ACSM5: variants seen among roughly 807,000 people sequenced by gnomAD.
The protein encoded by ACSM5 is acyl-coenzyme A synthetase ACSM5, mitochondrial.
ACSM5 carries 56 observed loss-of-function variants against 71.6 expected under a neutral mutation model. The observed-to-expected ratio is 0.78, with a 90% confidence interval of 0.63 to 0.98. ACSM5 has a LOEUF of 0.98. Among genes scored for constraint, ACSM5 ranks in the 50% least tolerant of loss-of-function variants. The pLI is 0.00. For missense variants in ACSM5, 723 were observed against 726.0 expected, an observed-to-expected ratio of 1.00 and a Z score of 0.05; for synonymous variants, 285 against 281.5, an observed-to-expected ratio of 1.01 and a Z score of -0.12.
intron 2 of ACSM5, among the ~76,000 whole-genome samples, chr16:20,415,934 C>T (rs755501324): frequency 7.2e-5 from 11 of 151,900 alleles, no homozygotes; most frequent in Non-Finnish European, 1.6e-4. Flanking sequence ...ACTCAATACT[C>T]GAGTAAGGAG....
intron 2 of ACSM5, among the ~76,000 whole-genome samples, chr16:20,414,803 ATAT>A (rs1966853499): frequency 6.6e-6 from 1 of 152,224 alleles, no homozygotes; most frequent in Non-Finnish European, 1.5e-5. Context: ...AGAAATGCAG[ATAT>A]TAATGATTTT....
intron 6 of ACSM5, among the ~76,000 whole-genome samples, chr16:20,425,196 A>T (rs1966954282): frequency 6.6e-6 from 1 of 152,144 alleles, no homozygotes; most frequent in Non-Finnish European, 1.5e-5. Context: ...TATTTCCATG[A>T]GTTCAATTGT....
At chr16:20,423,747 T>C (rs1156936319) in intron 5 of ACSM5, among the ~76,000 whole-genome samples, 169 bp from the exon 6 acceptor site, 1 of 152,246 alleles carries the variant, frequency 6.6e-6, no homozygotes, top group Non-Finnish European at 1.5e-5. Flanking sequence ...CATAGGTACA[T>C]GGAAGATGCT....
chr16:20,424,704 G>C (rs11643938), intron 6 of ACSM5, among the ~76,000 whole-genome samples: 8,974 of 152,316 alleles, frequency 0.059, 528 homozygotes, highest in African/African-American at 0.15. Flanking sequence ...TTCGCTAGCT[G>C]TGTGGCCTTG....
At chr16:20,416,251 A>G (rs1966856147) in intron 2 of ACSM5, among the ~76,000 whole-genome samples, 1 of 151,912 alleles carries the variant, frequency 6.6e-6, no homozygotes, top group East Asian at 1.9e-4. Flanking sequence ...CTCGTATGGA[A>G]ATGCAAGGGA....
intron 10 of ACSM5, among the ~76,000 whole-genome samples, chr16:20,434,946 G>A (rs1417381117): frequency 6.6e-6 from 1 of 152,094 alleles, no homozygotes; most frequent in African/African-American, 2.4e-5. Context: ...CAAGTTCCTT[G>A]GAAAATGTTT....
chr16:20,434,001 G>C (rs12600233), intron 10 of ACSM5, among the ~76,000 whole-genome samples: 13,106 of 152,118 alleles, frequency 0.086, 688 homozygotes, highest in East Asian at 0.19. Context: ...ATATATTCTT[G>C]ATATCGGTCC....
intron 12 of ACSM5, among the ~76,000 whole-genome samples, chr16:20,438,556 T>C (rs1301482882): frequency 6.6e-6 from 1 of 151,828 alleles, no homozygotes; most frequent in Admixed American, 6.6e-5. Context: ...CTCAAACGTA[T>C]GCCTAGTTCT....
At chr16:20,414,085 A>T (rs1478585740) in intron 2 of ACSM5, among the ~76,000 whole-genome samples, 1 of 152,204 alleles carries the variant, frequency 6.6e-6, no homozygotes, top group Admixed American at 6.5e-5. Context: ...GAGTAATCAC[A>T]TGATGTAATT....
intron 4 of ACSM5, among the ~76,000 whole-genome samples, chr16:20,420,555 C>A (rs111712773): frequency 0.044 from 6,771 of 152,186 alleles, 163 homozygotes; most frequent in South Asian, 0.061. Context: ...AGCCAAGATC[C>A]CGCCATTGCA....
At chr16:20,429,380 GT>G (rs1320243307) in intron 7 of ACSM5, among the ~76,000 whole-genome samples, 1 of 126,512 alleles carries the variant, frequency 7.9e-6, no homozygotes, top group Admixed American at 7.6e-5. Flanking sequence ...TTTATTATCA[GT>G]TTTTTTCCAA....
In ACSM5 at chr16:20,441,298, T is replaced by C. The variant is rs530890112; in HGVS notation, c.*871T>C. On this transcript the variant is annotated 3_prime_UTR_variant, in exon 14 of 14. Transcript: ENST00000331849. ...TTTCCAAGTTTTTGTACGAAGCACA[T>C]ACAACTATTTTAATGAAAAAGTTAT... is the stretch of plus-strand genomic sequence containing the variant. 4 of 152,346 alleles carry C rather than the reference T, an allele frequency of 2.6e-5. No individual in the cohort carries two copies. Among genetic ancestry groups the C allele is most frequent in the Non-Finnish European group, 4.4e-5 (3 of 68,042 alleles). 9.4% of individuals were successfully genotyped at this position (152,346 alleles called of 1,614,324 possible). A position where few individuals can be genotyped will look rare whatever the true frequency, so the allele number is the denominator to read the frequency against.
chr16:20,415,793 G>T (rs1287291960), intron 2 of ACSM5, among the ~76,000 whole-genome samples: 3 of 152,094 alleles, frequency 2.0e-5, no homozygotes, highest in African/African-American at 7.2e-5. Context: ...TTTCTCAGTT[G>T]GATTCAGAGT....
At chr16:20,418,300 G>A (rs1175569748) in intron 3 of ACSM5, 31 bp downstream of exon 3, 1 of 1,583,890 alleles carries the variant, frequency 6.3e-7, no homozygotes, top group Non-Finnish European at 8.6e-7. Context: ...ATTTTAGTTG[G>A]GGGCAGACAC....
chr16:20,413,129 A>G (rs73545405), intron 2 of ACSM5, among the ~76,000 whole-genome samples: 1 of 152,154 alleles, frequency 6.6e-6, no homozygotes, highest in East Asian at 1.9e-4. Context: ...CATGTAAGAC[A>G]TGAAGCCAGG....
intron 10 of ACSM5, 92 bp from the exon 11 acceptor site, chr16:20,436,960 G>C (rs1329942524): frequency 2.1e-6 from 3 of 1,424,998 alleles, no homozygotes; most frequent in Non-Finnish European, 2.9e-6. Context: ...CTGTTGAGTG[G>C]TCTCCAGCTT....
At position 20,419,381 on chromosome 16, in the gene ACSM5, T is replaced by C. The variant is rs563078080; in HGVS notation, c.569T>C (p.Leu190Pro). ...GAATGCCCCTCCCTCCAGACCAAGC[T>C]GCTGGTGTCAGACAGCAGTCGGCCA... is the stretch of plus-strand genomic sequence containing the variant. Reference protein sequence around the residue: ...SAECPSLQTKLLVSDSSRPGW... With the variant: ...SAECPSLQTKPLVSDSSRPGW... Residue 190 changes from leucine (L) to proline (P), a missense_variant, in exon 4 of 14, where the codon CTG (leucine) becomes CCG (proline). Transcript: ENST00000331849. 76 of 1,614,202 alleles carry C rather than the reference T, an allele frequency of 4.7e-5. No homozygotes were observed. In the South Asian group the frequency reaches 7.6e-4, roughly 16 times the overall value.
intron 2 of ACSM5, among the ~76,000 whole-genome samples, chr16:20,414,737 G>A (rs1394322561): frequency 6.6e-6 from 1 of 152,204 alleles, no homozygotes; most frequent in African/African-American, 2.4e-5. Context: ...GTAGAGGCTG[G>A]AAGAATTTTG....
rs1456863085 is a variant in ACSM5, at chr16:20,431,158, G to A, written c.1207-62G>A. On this transcript the variant is annotated intron_variant, in intron 9 of 13. Transcript: ENST00000331849. ...CCTGGTTGGCACGGGCTGCTGGGCT[G>A]CTGGGAGAGGCCCAGGGTGTAGACA... is the stretch of plus-strand genomic sequence containing the variant. 3 of 1,586,942 alleles carry A rather than the reference G, an allele frequency of 1.9e-6. No homozygotes were observed. In the South Asian group the frequency reaches 3.3e-5, roughly 18 times the overall value.
Sources: allele counts gnomAD v4.1 joint callset (sites outside exome capture counted in the v4.1 genomes callset), GRCh38; gene constraint gnomAD v4.1.1; transcripts MANE v1.5; gene names NCBI Gene and HGNC (gene_info 2026-07-23, HGNC 2026-07-21).